ZNF334: variants seen among roughly 807,000 people sequenced by gnomAD.
ZNF334 encodes the protein zinc finger protein 334.
Under a neutral mutation model 12.4 loss-of-function variants are expected in ZNF334, and 14 were observed. The observed-to-expected ratio is 1.13, with a 90% confidence interval of 0.74 to 1.76. The LOEUF (loss-of-function observed/expected upper bound fraction) is 1.76, where lower values mean the gene tolerates loss of function less well. Among genes scored for constraint, ZNF334 ranks in the 40% most tolerant of loss-of-function variants. ZNF334 has a pLI of 0.00. For missense variants in ZNF334, 797 were observed against 804.5 expected, an observed-to-expected ratio of 0.99 and a Z score of 0.11; for synonymous variants, 273 against 269.6, an observed-to-expected ratio of 1.01 and a Z score of -0.12.
At chr20:46,473,138 C>T in the ZNF334 span, among the ~76,000 whole-genome samples, 1 of 152,152 alleles carries the variant, frequency 6.6e-6, no homozygotes, top group Non-Finnish European at 1.5e-5. Flanking sequence ...TCATCCCTCT[C>T]TTTTATAACA....
the ZNF334 span, among the ~76,000 whole-genome samples, chr20:46,468,467 TAG>T: frequency 6.6e-6 from 1 of 151,376 alleles, no homozygotes. Context: ...GGTATTTTTG[TAG>T]AGACAGGGTT....
the ZNF334 span, among the ~76,000 whole-genome samples, chr20:46,484,155 A>C: frequency 6.6e-6 from 1 of 152,144 alleles, no homozygotes. Flanking sequence ...CTTGGGTGGG[A>C]TTCTGACTTA....
chr20:46,479,513 C>CA, the ZNF334 span, among the ~76,000 whole-genome samples: 1 of 152,208 alleles, frequency 6.6e-6, no homozygotes, highest in Non-Finnish European at 1.5e-5. Flanking sequence ...ACTGACAAAA[C>CA]AGACTCTGTG....
the ZNF334 span, chr20:46,485,085 TC>T: frequency 1.2e-5 from 2 of 167,282 alleles, no homozygotes; most frequent in African/African-American, 4.8e-5. Flanking sequence ...TGACAGGTGA[TC>T]CCTGCCCAGG....
chr20:46,510,224 T>G (rs1009371156), intron 2 of ZNF334, among the ~76,000 whole-genome samples: 3 of 152,104 alleles, frequency 2.0e-5, no homozygotes, highest in African/African-American at 7.2e-5. Context: ...TTGGAGGAAT[T>G]GGTCAGTGTG....
the ZNF334 span, among the ~76,000 whole-genome samples, chr20:46,488,419 T>TTATATA: frequency 8.7e-3 from 888 of 102,242 alleles, 31 homozygotes; most frequent in Admixed American, 8.7e-3. Flanking sequence ...AGCTCTTATT[T>TTATATA]TATATATATA....
chr20:46,510,911 G>A (rs1331278408), intron 2 of ZNF334, among the ~76,000 whole-genome samples: 1 of 151,964 alleles, frequency 6.6e-6, no homozygotes, highest in Non-Finnish European at 1.5e-5. Flanking sequence ...TGTGCCTTCT[G>A]GACATCCTTA....
At chr20:46,473,575 C>T in the ZNF334 span, among the ~76,000 whole-genome samples, 8 of 152,332 alleles carry the variant, frequency 5.3e-5, no homozygotes, top group South Asian at 2.1e-4. Context: ...ATAACAATCC[C>T]ATTCAAGATC....
At chr20:46,510,510 G>A (rs2061605557) in intron 2 of ZNF334, among the ~76,000 whole-genome samples, 1 of 152,142 alleles carries the variant, frequency 6.6e-6, no homozygotes, top group African/African-American at 2.4e-5. Flanking sequence ...AGGATCACGA[G>A]GTCAGGAGAT....
intron 2 of ZNF334, among the ~76,000 whole-genome samples, chr20:46,511,480 G>C (rs1024370010): frequency 1.3e-5 from 2 of 152,228 alleles, no homozygotes; most frequent in Non-Finnish European, 2.9e-5. Flanking sequence ...GGGTTGAAAT[G>C]AGACAGGCAC....
At chr20:46,464,600 C>A in the ZNF334 span, 1 of 411,122 alleles carries the variant, frequency 2.4e-6, no homozygotes, top group East Asian at 5.6e-5. Flanking sequence ...GAGGTAGGAC[C>A]TGCAGCTTAC....
the ZNF334 span, among the ~76,000 whole-genome samples, chr20:46,478,306 A>C: frequency 6.6e-6 from 1 of 152,212 alleles, no homozygotes; most frequent in Non-Finnish European, 1.5e-5. Flanking sequence ...AAAGATGTAC[A>C]CTGGTTCAGT....
chr20:46,494,880 C>G (rs940715860), downstream of ZNF334, among the ~76,000 whole-genome samples: 1 of 152,192 alleles, frequency 6.6e-6, no homozygotes, highest in African/African-American at 2.4e-5. Context: ...ACACTTTCTT[C>G]TTTGTATCTC....
At position 46,501,718 on chromosome 20, in the gene ZNF334, C is replaced by T. The variant is rs1480703963; in HGVS notation, c.1621G>A (p.Glu541Lys). 1 of 1,613,844 alleles carries T rather than the reference C, an allele frequency of 6.2e-7. No individual in the cohort carries two copies. Among genetic ancestry groups the T allele is most frequent in the East Asian group, 2.2e-5 (1 of 44,880 alleles). Residue 541 changes from glutamate (E) to lysine (K), a missense_variant, in exon 5 of 5, where the codon GAG becomes AAG. Glu to Lys is a moderately conservative substitution (Grantham distance 56, BLOSUM62 1). Coordinates refer to ENST00000692313, the MANE Select transcript of ZNF334 (RefSeq NM_001353824.2). Reference protein sequence around the residue: ...HLIVHQRTIWERPYECNECGR... With the variant: ...HLIVHQRTIWKRPYECNECGR... ...CATTCATTGCATTCATATGGTCTCT[C>T]CCATATAGTTCTCTGATGTACAATG...
the ZNF334 span, chr20:46,465,354 T>C: frequency 4.5e-5 from 7 of 154,838 alleles, no homozygotes; most frequent in African/African-American, 1.4e-4. Context: ...TATACTTTTA[T>C]ATCAATTGTT....
intron 4 of ZNF334, 110 bp downstream of exon 4, chr20:46,504,104 G>A: frequency 1.5e-6 from 1 of 670,446 alleles, no homozygotes; most frequent in Non-Finnish European, 2.5e-6. Context: ...TAAAGGTCTG[G>A]GCCAACAAAA....
At position 46,499,860 on chromosome 20, in the gene ZNF334, G is replaced by C. The variant is rs1193764730; in HGVS notation, c.*1436C>G. On this transcript the variant is annotated 3_prime_UTR_variant, in exon 5 of 5. Transcript: ENST00000692313. The stretch of plus-strand genomic sequence containing the variant: ...ATCTGTCCTGAAGGACATAAAAACT[G>C]AATAAATAGATAAATCATGTTCATA... The C allele has an allele frequency of 1.3e-5, 2 of 152,098 alleles. No homozygotes were observed. The highest frequency in any genetic ancestry group is 4.8e-5 in the African/African-American group (2 of 41,394). 9.4% of individuals were successfully genotyped at this position (152,098 alleles called of 1,614,324 possible).
At chr20:46,474,938 G>T in the ZNF334 span, among the ~76,000 whole-genome samples, 1 of 152,182 alleles carries the variant, frequency 6.6e-6, no homozygotes, top group Non-Finnish European at 1.5e-5. Context: ...AGAAGAGGGG[G>T]TGAAGGGACA....
chr20:46,508,134 C>T (rs555493461), intron 2 of ZNF334, among the ~76,000 whole-genome samples: 126 of 152,280 alleles, frequency 8.3e-4, no homozygotes, highest in Non-Finnish European at 1.4e-3. Context: ...AAAAGAAACT[C>T]GATTCTCCCG....
Sources: gnomAD v4.1 joint callset for allele counts (sites outside exome capture counted in the v4.1 genomes callset) on GRCh38, gnomAD v4.1.1 for gene constraint, MANE v1.5 for transcripts, NCBI Gene and HGNC (gene_info 2026-07-23, HGNC 2026-07-21) for gene names.